CDH18: variants seen among roughly 807,000 people sequenced by gnomAD.
CDH18 encodes the protein cadherin-18.
In CDH18, 31 loss-of-function variants were observed where a neutral mutation model predicts 67.9. That is an observed-to-expected ratio of 0.46 (90% CI 0.34 to 0.62). CDH18 has a LOEUF of 0.62. Ranked by LOEUF, CDH18 falls within the 20% of genes least tolerant of loss-of-function variation. The pLI is 0.01. For missense variants in CDH18, 890 were observed against 975.5 expected (o/e 0.91, Z 1.17); for synonymous variants, 362 against 347.2 (o/e 1.04, Z -0.48).
intron 6 of CDH18, among the ~76,000 whole-genome samples, chr5:19,593,707 C>CCTCCTCCTCCTCCTTCTTCTT: frequency 1.0e-3 from 34 of 33,396 alleles, no homozygotes; most frequent in African/African-American, 3.5e-3. Context: ...TCCTCCTCCT[C>CCTCCTCCTCCTCCTTCTTCTT]CTTCTTCTTC....
At chr5:20,430,044 T>G (rs886685377) in intron 1 of CDH18, among the ~76,000 whole-genome samples, 2 of 152,150 alleles carry the variant, frequency 1.3e-5, no homozygotes, top group Admixed American at 6.5e-5. Flanking sequence ...CAAGTTTATA[T>G]AATGCTTAAG....
chr5:20,418,703 T>C (rs1015340818), intron 1 of CDH18, among the ~76,000 whole-genome samples: 2 of 152,188 alleles, frequency 1.3e-5, no homozygotes, highest in African/African-American at 4.8e-5. Flanking sequence ...ACAACTTAAG[T>C]TTAACTGTGT....
At chr5:19,792,746 G>A (rs573864399) in intron 3 of CDH18, among the ~76,000 whole-genome samples, 1 of 152,018 alleles carries the variant, frequency 6.6e-6, no homozygotes, top group Non-Finnish European at 1.5e-5. Context: ...ACTGCAAAAA[G>A]CATGAAAAAA....
intron 8 of CDH18, among the ~76,000 whole-genome samples, chr5:19,547,597 A>G (rs940027953): frequency 1.3e-5 from 2 of 152,350 alleles, no homozygotes; most frequent in Non-Finnish European, 2.9e-5. Context: ...GCTTTCTAAC[A>G]TAAGTGCTAA....
At chr5:19,779,126 T>A (rs1774778753) in intron 3 of CDH18, among the ~76,000 whole-genome samples, 1 of 152,158 alleles carries the variant, frequency 6.6e-6, no homozygotes, top group Non-Finnish European at 1.5e-5. Flanking sequence ...ACTATGCCAT[T>A]TAATAGAGGG....
chr5:20,102,827 AAAAT>A (rs752944175), intron 2 of CDH18, among the ~76,000 whole-genome samples: 4 of 152,334 alleles, frequency 2.6e-5, no homozygotes, highest in Non-Finnish European at 4.4e-5. Flanking sequence ...AGCTGAAAAA[AAAAT>A]AAAGGATAAC....
chr5:19,698,655 A>AATGGAATAG (rs1163471895), intron 5 of CDH18, among the ~76,000 whole-genome samples: 3 of 152,134 alleles, frequency 2.0e-5, no homozygotes, highest in Non-Finnish European at 2.9e-5. Context: ...TACTCTTAAA[A>AATGGAATAG]ATGGAATAGT....
In CDH18 at chr5:19,788,643, T is replaced by C. The variant is rs547605809; in HGVS notation, c.229-41407A>G. 8.5e-5 allele frequency among the ~76,000 whole-genome samples: 13 copies of C among 152,310 alleles called. No individual in the cohort carries two copies. The South Asian group carries it at 1.7e-3, about 19-fold the overall frequency. On this transcript the variant is annotated intron_variant, in intron 3 of 12. Transcript: ENST00000382275. ...CAGATTACATATTAGTGTTCTATCA[T>C]TGACAAGATTGATGTCCAGTACTCA...
At chr5:20,188,069 C>T (rs1447021686) in intron 2 of CDH18, among the ~76,000 whole-genome samples, 1 of 151,838 alleles carries the variant, frequency 6.6e-6, no homozygotes, top group Non-Finnish European at 1.5e-5. Context: ...ATTGATGTAA[C>T]TAACAAATAT....
At chr5:20,186,268 A>G (rs528362113) in intron 2 of CDH18, among the ~76,000 whole-genome samples, 3 of 152,064 alleles carry the variant, frequency 2.0e-5, no homozygotes, top group Admixed American at 2.0e-4. Context: ...TGATATCACA[A>G]CAACACAAGA....
At chr5:20,038,253 C>T (rs1740068794) in intron 2 of CDH18, among the ~76,000 whole-genome samples, 2 of 152,060 alleles carry the variant, frequency 1.3e-5, no homozygotes, top group Non-Finnish European at 2.9e-5. Flanking sequence ...GGATTTACAG[C>T]CAAATTCTAC....
At chr5:20,410,108 A>G (rs763182770) in intron 1 of CDH18, among the ~76,000 whole-genome samples, 3 of 151,842 alleles carry the variant, frequency 2.0e-5, no homozygotes, top group Non-Finnish European at 3.0e-5. Flanking sequence ...AGAATTGAAC[A>G]GGAGTAAACA....
In CDH18 at chr5:20,543,550, C is replaced by T. The variant is rs757803549; in HGVS notation, c.-580+31912G>A. On this transcript the variant is annotated intron_variant, in intron 1 of 14. Transcript: ENST00000507958. ...AGCATGGTATATTTCTGAGATTGGC[C>T]AGAATAGAAAGATTTTATATTGCTT... Among the ~76,000 whole-genome samples the T allele has an allele frequency of 5.5e-4, 84 of 152,036 alleles. 1 individual carries two copies. Among genetic ancestry groups the T allele is most frequent in the Admixed American group, 1.9e-3 (29 of 15,236 alleles).
At chr5:19,841,954 C>T (rs549385525) in intron 2 of CDH18, among the ~76,000 whole-genome samples, 87 of 152,192 alleles carry the variant, frequency 5.7e-4, no homozygotes, top group Non-Finnish European at 1.1e-3. Context: ...ATCACTACAG[C>T]GCTTATGGAG....
At chr5:19,724,767 G>C (rs550673758) in intron 4 of CDH18, among the ~76,000 whole-genome samples, 1 of 152,118 alleles carries the variant, frequency 6.6e-6, no homozygotes, top group African/African-American at 2.4e-5. Flanking sequence ...TTCTTAGAGA[G>C]GTAGTTTGGG....
intron 2 of CDH18, among the ~76,000 whole-genome samples, chr5:20,217,856 G>A (rs60951463): frequency 0.024 from 3,717 of 151,906 alleles, 163 homozygotes; most frequent in African/African-American, 0.084. Flanking sequence ...AAAAGAGCAC[G>A]AGTTGCTCTA....
chr5:20,408,258 T>C (rs1236739231), intron 1 of CDH18, among the ~76,000 whole-genome samples: 1 of 152,044 alleles, frequency 6.6e-6, no homozygotes, highest in Non-Finnish European at 1.5e-5. Flanking sequence ...AAATGTTAAA[T>C]TGAAAACAAT....
chr5:19,551,472 C>T (rs1016179405), intron 8 of CDH18, among the ~76,000 whole-genome samples: 1 of 152,034 alleles, frequency 6.6e-6, no homozygotes, highest in Non-Finnish European at 1.5e-5. Context: ...AGCATTGTGA[C>T]CTTAAGAGAT....
chr5:19,797,592 A>G (rs1259738251), intron 3 of CDH18, among the ~76,000 whole-genome samples: 1 of 152,034 alleles, frequency 6.6e-6, no homozygotes, highest in East Asian at 1.9e-4. Context: ...TACAATCACT[A>G]AAAGAACTAC....
Sources: gnomAD v4.1 joint callset for allele counts (sites outside exome capture counted in the v4.1 genomes callset) on GRCh38, gnomAD v4.1.1 for gene constraint, MANE v1.5 for transcripts, NCBI Gene and HGNC (gene_info 2026-07-23, HGNC 2026-07-21) for gene names.